RBM25: variants seen among roughly 807,000 people sequenced by gnomAD.
RBM25 encodes RNA-binding protein 25.
Under a neutral mutation model 120.7 loss-of-function variants are expected in RBM25, and 19 were observed. The ratio of observed to expected loss-of-function variants is 0.16; its 90% CI spans 0.11 to 0.23. The LOEUF is 0.23. Among genes scored for constraint, RBM25 ranks in the 10% least tolerant of loss-of-function variants. The pLI, the probability that RBM25 is intolerant of heterozygous loss-of-function variation, is 1.00. For synonymous variants in RBM25, 390 were observed against 326.7 expected (o/e 1.19, Z -2.09); for missense variants, 605 against 1,041.5 (o/e 0.58, Z 5.77).
In RBM25 at chr14:73,099,368, A is replaced by AT. The variant is rs766931264; in HGVS notation, c.730-6dup. Reference sequence around the variant, plus strand: ...CTTTTTTAAAAAAGATTCTTGGTGGATTTTTTCACAGATTTTCCGCAGATT... The same window carrying AT: ...CTTTTTTAAAAAAGATTCTTGGTGGATTTTTTTCACAGATTTTCCGCAGATT... On this transcript the variant is annotated splice_polypyrimidine_tract_variant and intron_variant, in intron 7 of 18. Coordinates refer to ENST00000261973, the MANE Select transcript of RBM25 (RefSeq NM_021239.3). 6 of 1,595,204 alleles carry AT rather than the reference A, an allele frequency of 3.8e-6. No individual in the cohort carries two copies. The East Asian group carries it at 8.9e-5, about 24-fold the overall frequency.
intron 10 of RBM25, among the ~76,000 whole-genome samples, chr14:73,104,397 T>G (rs1896136060): frequency 1.3e-5 from 2 of 151,928 alleles, no homozygotes; most frequent in South Asian, 4.1e-4. Context: ...GAGACAAGTT[T>G]TTGCTCTGTT....
At chr14:73,119,688 T>C in intron 18 of RBM25, 25 bp from the exon 19 acceptor site, 2 of 1,609,436 alleles carry the variant, frequency 1.2e-6, no homozygotes, top group Non-Finnish European at 1.7e-6. Context: ...CTCTTACATG[T>C]GTTGCTGTTT....
intron 10 of RBM25, among the ~76,000 whole-genome samples, chr14:73,105,068 G>A (rs931464957): frequency 1.6e-4 from 6 of 38,596 alleles, no homozygotes; most frequent in Admixed American, 5.5e-4. Context: ...CACACACAGA[G>A]TTATTTGATT....
chr14:73,095,281 C>G (rs113470968), intron 6 of RBM25, among the ~76,000 whole-genome samples: 2 of 152,116 alleles, frequency 1.3e-5, no homozygotes, highest in African/African-American at 4.8e-5. Context: ...TTTATTCCGT[C>G]TAAGTGCAGC....
intron 17 of RBM25, 26 bp from the exon 18 acceptor site, chr14:73,114,260 A>G: frequency 6.8e-7 from 1 of 1,466,844 alleles, no homozygotes. Flanking sequence ...TTTATTTTTA[A>G]TGTGACAATT....
At chr14:73,117,924 A>C (rs1292137664) in intron 18 of RBM25, among the ~76,000 whole-genome samples, 1 of 152,096 alleles carries the variant, frequency 6.6e-6, no homozygotes, top group Non-Finnish European at 1.5e-5. Flanking sequence ...AGCAGCCATA[A>C]TGTAGAGGGG....
intron 1 of RBM25, 168 bp downstream of exon 1, chr14:73,058,873 T>C (rs1894928574): frequency 6.6e-6 from 1 of 152,204 alleles, no homozygotes. Context: ...GTTTCTTCTC[T>C]TCTCTAAGGC....
At chr14:73,100,103 TTAAC>T (rs1286092933) in intron 9 of RBM25, 5 of 469,548 alleles carry the variant, frequency 1.1e-5, no homozygotes, top group African/African-American at 1.0e-4. Flanking sequence ...GGGCAGTTAT[TTAAC>T]TTGATCTTAG....
chr14:73,081,006 G>T (rs1222585169), intron 4 of RBM25, among the ~76,000 whole-genome samples: 1 of 151,778 alleles, frequency 6.6e-6, no homozygotes, highest in Non-Finnish European at 1.5e-5. Context: ...TGTATTTTCA[G>T]TAGAGACGGG....
Position 73,109,187 on chromosome 14 carries a change from A to G in RBM25, c.1542-155A>G, listed in dbSNP as rs1053026291. 4.2e-6 allele frequency: 3 copies of G among 710,254 alleles called. No homozygotes were observed. In the African/African-American group the frequency reaches 5.4e-5, roughly 13 times the overall value. The allele number at this position is 710,254 out of a possible 1,614,324, so 44.0% of individuals were successfully genotyped here. On this transcript the variant is annotated intron_variant, in intron 13 of 18. Transcript: ENST00000261973. The stretch of plus-strand genomic sequence containing the variant: ...TTATACATTTACATGTAGAGAGCAC[A>G]CTCTGGTGTGTTCCGTAGATACAGA...
In RBM25 at chr14:73,119,738, T is replaced by C; in HGVS notation, c.2465T>C (p.Phe822Ser). ...GTACTTGATGAAGAAGCAGAAGTTT[T>C]TATAGTCAAAATGTGGAGATTATTG... ...AMVLDEEAEV[F>S]IVKMWRLLIY... Residue 822 changes from phenylalanine to serine, a missense_variant, in exon 19 of 19, where the codon TTT (phenylalanine) becomes TCT (serine). This residue lies in a region of RBM25 where 23 missense variants were observed against 83.2 expected (regional missense o/e 0.28). Transcript: ENST00000261973. The C allele has an allele frequency of 6.2e-7, 1 of 1,612,174 alleles. No homozygotes were observed. The highest frequency in any genetic ancestry group is 8.5e-7 in the Non-Finnish European group (1 of 1,179,564).
At chr14:73,116,303 A>G (rs577760301) in intron 18 of RBM25, among the ~76,000 whole-genome samples, 1 of 152,284 alleles carries the variant, frequency 6.6e-6, no homozygotes, top group East Asian at 1.9e-4. Context: ...AAGGAAGGAA[A>G]AATCATCAAG....
chr14:73,083,394 A>T (rs1895609306), intron 4 of RBM25, 100 bp from the exon 5 acceptor site: 6 of 930,748 alleles, frequency 6.4e-6, no homozygotes, highest in Non-Finnish European at 9.1e-6. Context: ...TTTTTATTTT[A>T]TGTTTTTTAT....
rs545425325 is a variant in RBM25 at position 73,123,111 on chromosome 14, A to T, written c.*3306A>T. The T allele has an allele frequency of 6.6e-6, 1 of 151,990 alleles. No homozygotes were observed. The highest frequency in any genetic ancestry group is 2.4e-5 in the African/African-American group (1 of 41,352). 9.4% of individuals were successfully genotyped at this position (151,990 alleles called of 1,614,324 possible). A position where few individuals can be genotyped will look rare whatever the true frequency, so the allele number is the denominator to read the frequency against. On this transcript the variant is annotated 3_prime_UTR_variant, in exon 19 of 19. Transcript: ENST00000261973. ...GTTGTAACTTATTCTGAATCTTATT[A>T]TGGCATTTCCCTGTAAACTATGTAA... is the stretch of plus-strand genomic sequence containing the variant.
chr14:73,103,166 C>CT (rs1896088469), intron 9 of RBM25, 26 bp from the exon 10 acceptor site: 1 of 1,599,478 alleles, frequency 6.3e-7, no homozygotes. Context: ...AGAGTTAACT[C>CT]TAAAAGTGCT....
chr14:73,117,848 A>T (rs995722052), intron 18 of RBM25, among the ~76,000 whole-genome samples: 3 of 152,182 alleles, frequency 2.0e-5, no homozygotes, highest in Admixed American at 2.0e-4. Flanking sequence ...ACACTAGACC[A>T]CATTTCTGGA....
intron 1 of RBM25, among the ~76,000 whole-genome samples, chr14:73,065,269 C>G (rs1895102325): frequency 6.6e-6 from 1 of 152,006 alleles, no homozygotes; most frequent in Admixed American, 6.6e-5. Context: ...GCTGGGATTA[C>G]AGGCACCCGC....
intron 10 of RBM25, among the ~76,000 whole-genome samples, chr14:73,104,424 A>G (rs1390492193): frequency 6.6e-6 from 1 of 150,448 alleles, no homozygotes; most frequent in African/African-American, 2.5e-5. Context: ...GTTGGAGTGC[A>G]GTGGTACAGT....
chr14:73,073,694 GAAA>G (rs985843844), intron 2 of RBM25, among the ~76,000 whole-genome samples: 3 of 150,352 alleles, frequency 2.0e-5, no homozygotes, highest in Non-Finnish European at 4.4e-5. Context: ...GTCTCAAAAA[GAAA>G]AAAAAATCAG....
Sources: allele counts gnomAD v4.1 joint callset (sites outside exome capture counted in the v4.1 genomes callset), GRCh38; gene constraint gnomAD v4.1.1; regional missense constraint gnomAD v4.1.1; transcripts MANE v1.5; gene names NCBI Gene and HGNC (gene_info 2026-07-23, HGNC 2026-07-21).